The following SYT9 variants were observed in gnomAD, a reference collection of about 807,000 sequenced individuals.
SYT9 encodes synaptotagmin 9.
SYT9 carries 22 observed loss-of-function variants against 48.4 expected under a neutral mutation model. The ratio of observed to expected loss-of-function variants is 0.45; its 90% confidence interval spans 0.32 to 0.65. The LOEUF is 0.65. SYT9 is among the 30% of genes least tolerant of loss of function. The pLI is 0.03. For synonymous variants in SYT9, 265 were observed against 245.0 expected (o/e 1.08, Z -0.76); for missense variants, 577 against 622.0 (o/e 0.93, Z 0.77).
intron 3 of SYT9, among the ~76,000 whole-genome samples, chr11:7,321,032 T>G (rs1023495355): frequency 1.3e-5 from 2 of 152,076 alleles, no homozygotes; most frequent in Non-Finnish European, 2.9e-5. Flanking sequence ...TTCAGGAATC[T>G]CTTTCTTGGT....
intron 6 of SYT9, among the ~76,000 whole-genome samples, chr11:7,432,614 T>A (rs1395701673): frequency 1.4e-4 from 4 of 28,410 alleles, no homozygotes; most frequent in African/African-American, 5.1e-4. Context: ...TATATATATA[T>A]ATATATATAT....
intron 3 of SYT9, among the ~76,000 whole-genome samples, chr11:7,410,114 C>A (rs2134088209): frequency 6.6e-6 from 1 of 152,266 alleles, no homozygotes; most frequent in African/African-American, 2.4e-5. Context: ...AGTGGTCATT[C>A]AGAAGCATGT....
chr11:7,266,856 A>G (rs115474558), intron 1 of SYT9, among the ~76,000 whole-genome samples: 1,587 of 152,172 alleles, frequency 0.01, 21 homozygotes, highest in African/African-American at 0.036. Context: ...GGCCTTAATG[A>G]TGCAATCAGA....
intron 6 of SYT9, among the ~76,000 whole-genome samples, chr11:7,458,851 C>T (rs1325006369): frequency 6.6e-6 from 1 of 152,172 alleles, no homozygotes; most frequent in East Asian, 1.9e-4. Flanking sequence ...TACTTTGGCT[C>T]ATTCGCCAAC....
At chr11:7,424,791 T>C (rs1400724888) in intron 6 of SYT9, among the ~76,000 whole-genome samples, 1 of 152,214 alleles carries the variant, frequency 6.6e-6, no homozygotes. Flanking sequence ...CACTCCAAGC[T>C]CAACCTTTGT....
At chr11:7,386,071 T>G (rs1850652034) in intron 3 of SYT9, among the ~76,000 whole-genome samples, 1 of 152,204 alleles carries the variant, frequency 6.6e-6, no homozygotes, top group Admixed American at 6.5e-5. Flanking sequence ...TGCAGAAAAC[T>G]ATTGGACTTT....
At chr11:7,395,310 T>C (rs1846731330) in intron 3 of SYT9, among the ~76,000 whole-genome samples, 1 of 152,200 alleles carries the variant, frequency 6.6e-6, no homozygotes, top group African/African-American at 2.4e-5. Flanking sequence ...ATGAGAAGAA[T>C]GTACATTCTA....
chr11:7,280,341 A>G (rs750816856), intron 1 of SYT9, among the ~76,000 whole-genome samples: 4 of 152,268 alleles, frequency 2.6e-5, no homozygotes, highest in Non-Finnish European at 5.9e-5. Flanking sequence ...ATTTATATGA[A>G]CAAGTAAGAG....
intron 6 of SYT9, chr11:7,444,397 G>T (rs1210866405): frequency 6.6e-6 from 1 of 152,216 alleles, no homozygotes; most frequent in Admixed American, 6.5e-5. Flanking sequence ...AGGCTGCAAT[G>T]TATTTTGCTT....
intron 3 of SYT9, among the ~76,000 whole-genome samples, chr11:7,345,958 T>C (rs1249629190): frequency 2.0e-5 from 3 of 152,170 alleles, no homozygotes; most frequent in Non-Finnish European, 2.9e-5. Flanking sequence ...TGGAAGTCAC[T>C]AGAAGAATGT....
chr11:7,324,404 A>G (rs1849390151), intron 3 of SYT9, among the ~76,000 whole-genome samples: 1 of 151,164 alleles, frequency 6.6e-6, no homozygotes, highest in African/African-American at 2.4e-5. Flanking sequence ...GTTTTCCATT[A>G]TTTTTCCTGT....
At chr11:7,321,490 C>T (rs1849336877) in intron 3 of SYT9, among the ~76,000 whole-genome samples, 1 of 152,170 alleles carries the variant, frequency 6.6e-6, no homozygotes, top group East Asian at 1.9e-4. Flanking sequence ...CTTTTCATTT[C>T]ATTGTACCAT....
chr11:7,319,130 G>A (rs1849291728), intron 3 of SYT9, among the ~76,000 whole-genome samples: 2 of 150,330 alleles, frequency 1.3e-5, no homozygotes, highest in Non-Finnish European at 1.5e-5. Flanking sequence ...AGAAAGGGAG[G>A]AGAGTGGGGT....
intron 3 of SYT9, among the ~76,000 whole-genome samples, chr11:7,401,657 CA>C (rs1345587010): frequency 7.3e-5 from 11 of 151,530 alleles, no homozygotes; most frequent in African/African-American, 2.7e-4. Context: ...TATAAGGTGT[CA>C]AATTTCTTGT....
Position 7,433,793 on chromosome 11 carries a change from T to A in SYT9, c.1467+13158T>A, listed in dbSNP as rs546844817. Among the ~76,000 whole-genome samples, 330 of 152,340 alleles carry A rather than the reference T, an allele frequency of 2.2e-3. 4 individuals carry two copies. The highest frequency in any genetic ancestry group is 0.011 in the South Asian group (52 of 4,826). On this transcript the variant is annotated intron_variant, in intron 6 of 6. Transcript: ENST00000318881. The stretch of plus-strand genomic sequence containing the variant: ...TCAGCTAGCACCTTATCTTGGACTT[T>A]CCAGCCTCAAGGACTGTGAGCAATA...
chr11:7,381,643 C>T (rs1291283217), intron 3 of SYT9, among the ~76,000 whole-genome samples: 1 of 152,198 alleles, frequency 6.6e-6, no homozygotes, highest in Non-Finnish European at 1.5e-5. Context: ...CACACCTTCC[C>T]TGACTGTTTG....
chr11:7,347,849 G>T (rs1029560854), intron 3 of SYT9, among the ~76,000 whole-genome samples: 2 of 152,100 alleles, frequency 1.3e-5, no homozygotes, highest in African/African-American at 4.8e-5. Context: ...TCAACAGACA[G>T]GCTCCGTGCT....
At chr11:7,343,864 C>T (rs944357719) in intron 3 of SYT9, among the ~76,000 whole-genome samples, 3 of 152,166 alleles carry the variant, frequency 2.0e-5, no homozygotes, top group Non-Finnish European at 4.4e-5. Context: ...AGGTAAAAGG[C>T]ATGTCTTACA....
chr11:7,305,447 G>GTA lies in SYT9; in HGVS notation c.497+2057_497+2058insTA, dbSNP rs369774994. On this transcript the variant is annotated intron_variant, in intron 2 of 6. Transcript: ENST00000318881. ...TTGTCTCAGGATCTCACCACAATAAGAGCAGTACATGGTCTTCTAATTCTT... is the reference window on the plus strand; with the variant it reads ...TTGTCTCAGGATCTCACCACAATAAGTAAGCAGTACATGGTCTTCTAATTCTT... Among the ~76,000 whole-genome samples, 89 of 152,240 alleles carry GTA rather than the reference G, an allele frequency of 5.8e-4. No individual in the cohort carries two copies. The East Asian group carries it at 0.013, about 22-fold the overall frequency.
Sources: gnomAD v4.1 joint callset for allele counts (sites outside exome capture counted in the v4.1 genomes callset) on GRCh38, gnomAD v4.1.1 for gene constraint, MANE v1.5 for transcripts, NCBI Gene and HGNC (gene_info 2026-07-23, HGNC 2026-07-21) for gene names.